RUFY2: variants seen among roughly 807,000 people sequenced by gnomAD.
RUFY2 encodes RUN and FYVE domain containing 2.
RUFY2 carries 49 observed loss-of-function variants against 94.4 expected under a neutral mutation model. The ratio of observed to expected loss-of-function variants is 0.52; its 90% CI spans 0.41 to 0.66. RUFY2 has a LOEUF of 0.66. Among genes scored for constraint, RUFY2 ranks in the 30% least tolerant of loss-of-function variants. The pLI, the probability that RUFY2 is intolerant of heterozygous loss-of-function variation, is 0.00. For synonymous variants in RUFY2, 255 were observed against 235.7 expected, an observed-to-expected ratio of 1.08 and a Z score of -0.75; for missense variants, 541 against 692.8, an observed-to-expected ratio of 0.78 and a Z score of 2.46.
At chr10:68,352,197 G>A (rs987166977) in intron 16 of RUFY2, among the ~76,000 whole-genome samples, 5 of 152,106 alleles carry the variant, frequency 3.3e-5, no homozygotes, top group Non-Finnish European at 5.9e-5. Context: ...CTGGCCTCAA[G>A]CAATTCTCCC....
Position 68,397,851 on chromosome 10 carries a change from G to A in RUFY2, c.297-970C>T, listed in dbSNP as rs141018460. Reference sequence around the variant, plus strand: ...ATAAATATTAAAACTTCACCAGGCCGGGCCCAGTGGCTTACACCTGTAATC... The same window carrying A: ...ATAAATATTAAAACTTCACCAGGCCAGGCCCAGTGGCTTACACCTGTAATC... On this transcript the variant is annotated intron_variant, in intron 3 of 17. Transcript: ENST00000602465. Among the ~76,000 whole-genome samples the A allele has an allele frequency of 6.0e-3, 904 of 151,746 alleles. 11 individuals are homozygous for A. The highest frequency in any genetic ancestry group is 0.021 in the African/African-American group (853 of 41,434).
At chr10:68,387,745 C>CCATAATCCCAGCACTTTGGGAGGT (rs2049618551) in intron 7 of RUFY2, among the ~76,000 whole-genome samples, 1 of 124,986 alleles carries the variant, frequency 8.0e-6, no homozygotes, top group South Asian at 3.3e-4. Context: ...TGGCTCACAC[C>CCATAATCCCAGCACTTTGGGAGGT]CATAATCCCA....
rs748724632 is a variant in RUFY2 at position 68,379,557 on chromosome 10, TTGTGTGTGTGTGTTTG to T, written c.1108-52_1108-37del. The T allele has an allele frequency of 7.5e-5, 111 of 1,470,766 alleles. No individual in the cohort carries two copies. In the African/African-American group the frequency reaches 1.5e-3, roughly 20 times the overall value. The allele number at this position is 1,470,766 out of a possible 1,614,324, so 91.1% of individuals were successfully genotyped here. A position where few individuals can be genotyped will look rare whatever the true frequency, so the allele number is the denominator to read the frequency against. ...AAACAAAAGCTATGGTGGTTTTGATTTGTGTGTGTGTGTTTGTGTGTGTGTGTGTGTGCGTGTTTTT... is the reference window on the plus strand; with the variant it reads ...AAACAAAAGCTATGGTGGTTTTGATTTGTGTGTGTGTGTGTGCGTGTTTTT... On this transcript the variant is annotated intron_variant, in intron 11 of 17. Transcript: ENST00000602465.
intron 7 of RUFY2, among the ~76,000 whole-genome samples, chr10:68,390,219 T>C (rs1010502308): frequency 1.3e-5 from 2 of 152,226 alleles, no homozygotes; most frequent in African/African-American, 4.8e-5. Flanking sequence ...TATGAAGTCT[T>C]TCCTATTTCT....
intron 13 of RUFY2, among the ~76,000 whole-genome samples, chr10:68,369,946 T>A (rs2048139244): frequency 6.6e-6 from 1 of 151,934 alleles, no homozygotes; most frequent in Admixed American, 6.6e-5. Context: ...CTGTTTTCTT[T>A]TTAAATTACC....
At chr10:68,395,282 G>A (rs1208164990) in intron 4 of RUFY2, among the ~76,000 whole-genome samples, 4 of 151,636 alleles carry the variant, frequency 2.6e-5, no homozygotes, top group African/African-American at 4.8e-5. Context: ...AGGTTGCAGT[G>A]AGCCAAGATC....
At chr10:68,370,554 G>A (rs1358416481) in intron 13 of RUFY2, among the ~76,000 whole-genome samples, 2 of 150,138 alleles carry the variant, frequency 1.3e-5, no homozygotes, top group East Asian at 3.9e-4. Context: ...AGCTTGGGCA[G>A]AAGGATCACT....
intron 10 of RUFY2, among the ~76,000 whole-genome samples, 178 bp downstream of exon 10, chr10:68,383,620 A>C (rs767666820): frequency 5.3e-5 from 8 of 152,248 alleles, no homozygotes; most frequent in Non-Finnish European, 1.2e-4. Context: ...AATCTGTCTC[A>C]AAACAACAAT....
At chr10:68,342,972 A>T (rs975686778), downstream of RUFY2, 1 of 152,208 alleles carries the variant, frequency 6.6e-6, no homozygotes, top group African/African-American at 2.4e-5. Flanking sequence ...ACAATCCTGC[A>T]GTTGGGTTTT....
chr10:68,346,376 A>C (rs2046275160), intron 16 of RUFY2: 1 of 287,826 alleles, frequency 3.5e-6, no homozygotes, highest in African/African-American at 2.2e-5. Flanking sequence ...GGATCGCCTG[A>C]GGCCTGGAGT....
chr10:68,359,544 A>G (rs559722613), intron 15 of RUFY2, among the ~76,000 whole-genome samples: 121 of 146,074 alleles, frequency 8.3e-4, no homozygotes, highest in Non-Finnish European at 1.6e-3. Flanking sequence ...ATATAATGCT[A>G]CTATATATAA....
At chr10:68,367,061 G>C (rs937128319) in intron 13 of RUFY2, among the ~76,000 whole-genome samples, 1 of 150,072 alleles carries the variant, frequency 6.7e-6, no homozygotes, top group East Asian at 2.0e-4. Context: ...TCATCTACTC[G>C]GGAGGCTGAG....
At chr10:68,399,860 C>CA (rs1191909856) in intron 3 of RUFY2, among the ~76,000 whole-genome samples, 1 of 152,172 alleles carries the variant, frequency 6.6e-6, no homozygotes, top group Non-Finnish European at 1.5e-5. Flanking sequence ...CAGCTCACTG[C>CA]AACCTCTGCC....
Position 68,379,463 on chromosome 10 carries a change from G to GT in RUFY2, c.1165dup (p.Thr389AsnfsTer3), listed in dbSNP as rs749608029. ...CCTCATGGCTGCAGTAATTTTATTG[G>GT]TTTTTTCTTCTAGTCGGGCAATTAT... is the stretch of plus-strand genomic sequence containing the variant. On this transcript the variant is annotated frameshift_variant, in exon 12 of 18. Coordinates refer to ENST00000602465, the MANE Select transcript of RUFY2 (RefSeq NM_001330103.2). LOFTEE classifies it high-confidence loss of function. 8 of 1,612,282 alleles carry GT rather than the reference G, an allele frequency of 5.0e-6. No individual in the cohort carries two copies. The highest frequency in any genetic ancestry group is 4.0e-5 in the African/African-American group (3 of 74,696).
chr10:68,386,981 T>A (rs146567140), intron 7 of RUFY2, among the ~76,000 whole-genome samples: 1,713 of 152,208 alleles, frequency 0.011, 30 homozygotes, highest in African/African-American at 0.037. Flanking sequence ...TCAAAGGAAA[T>A]AGTCAAAGGT....
At chr10:68,378,084 GGAGAACCGGAAAACT>G in intron 12 of RUFY2, 4 of 985,518 alleles carry the variant, frequency 4.1e-6, no homozygotes, top group Non-Finnish European at 4.8e-6. Flanking sequence ...AGAGGGCAAG[GGAGAACCGGAAAACT>G]GAGAAGCTGA....
intron 3 of RUFY2, 105 bp downstream of exon 3, chr10:68,401,515 G>T (rs2133218162): frequency 1.5e-6 from 1 of 673,336 alleles, no homozygotes; most frequent in South Asian, 1.9e-5. Context: ...TAGAAGAAGG[G>T]GACTTAAGAC....
rs1287165781 is a variant in RUFY2 at position 68,381,398 on chromosome 10, T to A, written c.941A>T (p.Asp314Val). The A allele has an allele frequency of 3.1e-6, 5 of 1,606,702 alleles. No individual in the cohort carries two copies. Among genetic ancestry groups the A allele is most frequent in the Middle Eastern group, 3.3e-4 (2 of 6,066 alleles). Residue 314 changes from aspartate to valine, a missense_variant and splice_region_variant, in exon 11 of 18, where the codon GAT (aspartate) becomes GTT (valine). Around this residue, in one of 3 missense-constraint regions of RUFY2, gnomAD observed 403 missense variants for 480.7 expected, o/e 0.84. Transcript: ENST00000602465. Reference sequence around the variant, plus strand: ...TTGTACTGCTAGCTCATTCTCTACATCCTGCAATTTCAATGTATCCTCAAT... The same window carrying A: ...TTGTACTGCTAGCTCATTCTCTACAACCTGCAATTTCAATGTATCCTCAAT... ...QLRDESQLRQ[D>V]VENELAVQVS...
chr10:68,341,685 G>A (rs1283707031), downstream of RUFY2: 5 of 1,609,184 alleles, frequency 3.1e-6, no homozygotes, highest in South Asian at 5.5e-5. Context: ...GAATGGGTAT[G>A]TAAAGTTTTT....
Sources: allele counts gnomAD v4.1 joint callset (sites outside exome capture counted in the v4.1 genomes callset), GRCh38; gene constraint gnomAD v4.1.1; regional missense constraint gnomAD v4.1.1; transcripts MANE v1.5; gene names NCBI Gene and HGNC (gene_info 2026-07-23, HGNC 2026-07-21).